KCNQ1: variants seen among roughly 807,000 people sequenced by gnomAD.
KCNQ1 encodes the protein potassium voltage-gated channel subfamily Q member 1.
KCNQ1 carries 49 observed loss-of-function variants against 72.4 expected under a neutral mutation model. The ratio of observed to expected loss-of-function variants is 0.68; its 90% CI spans 0.54 to 0.86. The LOEUF (loss-of-function observed/expected upper bound fraction) is 0.86, where lower values mean the gene tolerates loss of function less well. Among genes scored for constraint, KCNQ1 ranks in the 40% least tolerant of loss-of-function variants. KCNQ1 has a pLI of 0.00. For missense variants in KCNQ1, 790 were observed against 945.1 expected (o/e 0.84, Z 2.15); for synonymous variants, 450 against 412.6 (o/e 1.09, Z -1.10).
Position 2,588,905 on chromosome 11 carries a change from C to CA in KCNQ1, c.1393+51_1393+52insA, listed in dbSNP as rs762188798. On this transcript the variant is annotated intron_variant, in intron 10 of 15. Transcript: ENST00000155840. The surrounding 1 kb of genome is among the most constrained non-coding windows in gnomAD (Gnocchi z 5.6). ...GCCGCGGGGCCGGGAAGGTCACTGC[C>CA]TTTTTTGGGAGCCCGAGCAAGCCAG... The CA allele has an allele frequency of 1.2e-6, 2 of 1,600,266 alleles. No homozygotes were observed. Among genetic ancestry groups the CA allele is most frequent in the East Asian group, 4.5e-5 (2 of 44,668 alleles).
At chr11:2,777,090 C>A in intron 14 of KCNQ1, 58 bp downstream of exon 14, 1 of 1,527,650 alleles carries the variant, frequency 6.5e-7, no homozygotes. Flanking sequence ...TCTCCCGCAC[C>A]TCTGCCCTCC....
Position 2,715,016 on chromosome 11 carries a change from G to A in KCNQ1, c.1514+52935G>A, listed in dbSNP as rs558577074. 5.3e-5 allele frequency among the ~76,000 whole-genome samples: 8 copies of A among 152,240 alleles called. No individual in the cohort carries two copies. The highest frequency in any genetic ancestry group is 1.9e-4 in the African/African-American group (8 of 41,552). Reference sequence around the variant, plus strand: ...TGTCACACAAGCAGAGCTCCAGGGTGCAGCTGGGCAGATTGCCGGTGGTTG... The same window carrying A: ...TGTCACACAAGCAGAGCTCCAGGGTACAGCTGGGCAGATTGCCGGTGGTTG... On this transcript the variant is annotated intron_variant, in intron 11 of 15. Transcript: ENST00000155840. The surrounding 1 kb of genome is among the most constrained non-coding windows in gnomAD (Gnocchi z 4.9).
chr11:2,640,141 C>T (rs572343708), intron 10 of KCNQ1: 1 of 349,860 alleles, frequency 2.9e-6, no homozygotes, highest in Non-Finnish European at 5.1e-6. Context: ...AATTCCCTGA[C>T]CCCTTGTGCT....
At chr11:2,730,447 G>T (rs1229727793) in intron 11 of KCNQ1, among the ~76,000 whole-genome samples, 3 of 152,194 alleles carry the variant, frequency 2.0e-5, no homozygotes, top group African/African-American at 4.8e-5. Context: ...TTGGCTTGTG[G>T]CCTTTCCCCA....
intron 1 of KCNQ1, among the ~76,000 whole-genome samples, chr11:2,459,803 T>C (rs1408120688): frequency 6.6e-6 from 1 of 152,094 alleles, no homozygotes; most frequent in Admixed American, 6.5e-5. Context: ...AGGGATTCCC[T>C]TCTGCTTAAA....
At position 2,775,933 on chromosome 11, in the gene KCNQ1, A is replaced by G. The variant is rs1474859909; in HGVS notation, c.1591-27A>G. The G allele has an allele frequency of 1.9e-6, 3 of 1,549,626 alleles. No homozygotes were observed. In the Admixed American group the frequency reaches 5.9e-5, roughly 30 times the overall value. ...ACATGGCTGGGGCACAGGGAGGAGA[A>G]GTGATGCGTGTCTTTTTGTCCCGCA... On this transcript the variant is annotated intron_variant, in intron 12 of 15. Transcript: ENST00000155840.
chr11:2,560,540 C>CGG (rs140805888), intron 2 of KCNQ1, among the ~76,000 whole-genome samples: 17 of 51,648 alleles, frequency 3.3e-4, no homozygotes, highest in East Asian at 1.5e-3. Context: ...TCTGGGGGGG[C>CGG]GGGGGGGGGT....
At position 2,547,800 on chromosome 11, in the gene KCNQ1, T is replaced by C. The variant is rs1413037474; in HGVS notation, c.477+19782T>C. On this transcript the variant is annotated intron_variant, in intron 2 of 15. Transcript: ENST00000155840. The surrounding 1 kb of genome is among the most constrained non-coding windows in gnomAD (Gnocchi z 4.2). ...GAAGGGGAGGGGCGGCAGTTCTCAG[T>C]GGAGCGGCCGGGCTGCGAGTCTCTG... Among the ~76,000 whole-genome samples, 1 of 152,160 alleles carries C rather than the reference T, an allele frequency of 6.6e-6. No individual in the cohort carries two copies. Among genetic ancestry groups the C allele is most frequent in the Non-Finnish European group, 1.5e-5 (1 of 68,032 alleles).
In KCNQ1 at chr11:2,677,908, T is replaced by C. The variant is rs1850321991; in HGVS notation, c.1514+15827T>C. 1 of 398,446 alleles carries C rather than the reference T, an allele frequency of 2.5e-6. No homozygotes were observed. The allele number at this position is 398,446 out of a possible 1,614,324, so 24.7% of individuals were successfully genotyped here. A position where few individuals can be genotyped will look rare whatever the true frequency, so the allele number is the denominator to read the frequency against. Reference sequence around the variant, plus strand: ...TCCCCCACCCTTACCAAGTGTATACTCAGGTTTTTATCTTCATTCATTTCA... The same window carrying C: ...TCCCCCACCCTTACCAAGTGTATACCCAGGTTTTTATCTTCATTCATTTCA... On this transcript the variant is annotated intron_variant, in intron 11 of 15. Transcript: ENST00000155840. The surrounding 1 kb of genome is among the most constrained non-coding windows in gnomAD (Gnocchi z 4.5).
chr11:2,688,407 C>G (rs776671164), intron 11 of KCNQ1: 6 of 398,674 alleles, frequency 1.5e-5, no homozygotes, highest in Non-Finnish European at 2.2e-5. Flanking sequence ...TGCTGATCCT[C>G]TGTGTAGGCA....
In KCNQ1 at chr11:2,645,486, T is replaced by C. The variant is rs1849652143; in HGVS notation, c.1394-16475T>C. The C allele has an allele frequency of 5.0e-6, 2 of 398,682 alleles. No homozygotes were observed. Among genetic ancestry groups the C allele is most frequent in the Admixed American group, 4.4e-5 (1 of 22,738 alleles). 24.7% of individuals were successfully genotyped at this position (398,682 alleles called of 1,614,324 possible). ...GATCCCTGTATACCCTGCTGAATGC[T>C]CATGTTGGGGCAGCAGCAACTCTAT... On this transcript the variant is annotated intron_variant, in intron 10 of 15. Coordinates refer to ENST00000155840, the MANE Select transcript of KCNQ1 (RefSeq NM_000218.3). This position sits in a 1 kb window ranked among gnomAD's most constrained non-coding sequence, Gnocchi z 5.8.
Position 2,671,158 on chromosome 11 carries a change from T to C in KCNQ1, c.1514+9077T>C. On this transcript the variant is annotated intron_variant, in intron 11 of 15. Coordinates refer to ENST00000155840, the MANE Select transcript of KCNQ1 (RefSeq NM_000218.3). The surrounding 1 kb of genome is among the most constrained non-coding windows in gnomAD (Gnocchi z 4.7). The stretch of plus-strand genomic sequence containing the variant: ...CCCATGGGAGGCCTGAGGTGCCATC[T>C]TAGAAATAGGGCCTTGTTAGGAGAA... 2.5e-6 allele frequency: 1 copy of C among 398,602 alleles called. No individual in the cohort carries two copies. Among genetic ancestry groups the C allele is most frequent in the Non-Finnish European group, 4.4e-6 (1 of 226,072 alleles). 24.7% of individuals were successfully genotyped at this position (398,602 alleles called of 1,614,324 possible).
intron 11 of KCNQ1, among the ~76,000 whole-genome samples, chr11:2,721,855 C>T (rs748477210): frequency 6.6e-6 from 1 of 152,226 alleles, no homozygotes; most frequent in African/African-American, 2.4e-5. Context: ...CCCTTGGCCC[C>T]TTTAAGAGGC....
chr11:2,606,767 A>G (rs922948416), intron 10 of KCNQ1, among the ~76,000 whole-genome samples: 1 of 152,114 alleles, frequency 6.6e-6, no homozygotes, highest in Non-Finnish European at 1.5e-5. Flanking sequence ...TTCTTCCCAA[A>G]TTATCCTGGA....
At position 2,592,722 on chromosome 11, in the gene KCNQ1, G is replaced by A. The variant is rs891427987; in HGVS notation, c.1393+3868G>A. Reference sequence around the variant, plus strand: ...CCATTGTCTGTGCCCAGCCTGGGGAGCCTGACACTCACAGCCCGGCTGCTG... The same window carrying A: ...CCATTGTCTGTGCCCAGCCTGGGGAACCTGACACTCACAGCCCGGCTGCTG... On this transcript the variant is annotated intron_variant, in intron 10 of 15. Coordinates refer to ENST00000155840, the MANE Select transcript of KCNQ1 (RefSeq NM_000218.3). This position sits in a 1 kb window ranked among gnomAD's most constrained non-coding sequence, Gnocchi z 5.2. Among the ~76,000 whole-genome samples the A allele has an allele frequency of 1.3e-5, 2 of 152,204 alleles. No individual in the cohort carries two copies. The highest frequency in any genetic ancestry group is 4.8e-5 in the African/African-American group (2 of 41,452).
Position 2,602,146 on chromosome 11 carries a change from C to T in KCNQ1, c.1393+13292C>T, listed in dbSNP as rs893867575. On this transcript the variant is annotated intron_variant, in intron 10 of 15. Coordinates refer to ENST00000155840, the MANE Select transcript of KCNQ1 (RefSeq NM_000218.3). This position sits in a 1 kb window ranked among gnomAD's most constrained non-coding sequence, Gnocchi z 4.8. ...GAGGAAGGGGTCACAAACCAAAGAA[C>T]GCTTCCAGAAGAAAAGGCAAGGAAA... Among the ~76,000 whole-genome samples the T allele has an allele frequency of 6.6e-6, 1 of 152,082 alleles. No individual in the cohort carries two copies. The highest frequency in any genetic ancestry group is 1.5e-5 in the Non-Finnish European group (1 of 68,028).
In KCNQ1 at chr11:2,735,305, TG is replaced by T. The variant is rs1310771105; in HGVS notation, c.1515-33536del. 6.6e-6 allele frequency among the ~76,000 whole-genome samples: 1 copy of T among 151,758 alleles called. No homozygotes were observed. Among genetic ancestry groups the T allele is most frequent in the East Asian group, 1.9e-4 (1 of 5,134 alleles). ...GCCAGAGATGCCTGGGGCCCTGGGG[TG>T]GGAGGTGGGGACAGGCTAATGGCAA... On this transcript the variant is annotated intron_variant, in intron 11 of 15. Transcript: ENST00000155840. The surrounding 1 kb of genome is among the most constrained non-coding windows in gnomAD (Gnocchi z 7.7).
rs1203172573 is a variant in KCNQ1, at chr11:2,473,507, C to A, written c.386+28023C>A. On this transcript the variant is annotated intron_variant, in intron 1 of 15. Coordinates refer to ENST00000155840, the MANE Select transcript of KCNQ1 (RefSeq NM_000218.3). This position sits in a 1 kb window ranked among gnomAD's most constrained non-coding sequence, Gnocchi z 6.0. ...TGCTGGGAAATCCAAGGGGCAAGGC[C>A]GTTTCCCGTCCTGGTCCGTCGTTGA... is the stretch of plus-strand genomic sequence containing the variant. Among the ~76,000 whole-genome samples, 1 of 152,164 alleles carries A rather than the reference C, an allele frequency of 6.6e-6. No individual in the cohort carries two copies. The highest frequency in any genetic ancestry group is 2.4e-5 in the African/African-American group (1 of 41,448).
At chr11:2,607,067 T>C (rs1029952398) in intron 10 of KCNQ1, among the ~76,000 whole-genome samples, 1 of 151,966 alleles carries the variant, frequency 6.6e-6, no homozygotes, top group East Asian at 1.9e-4. Flanking sequence ...CATGCCTGGC[T>C]AATTTTTTTG....
Sources: gnomAD v4.1 joint callset for allele counts (sites outside exome capture counted in the v4.1 genomes callset) on GRCh38, gnomAD v4.1.1 for gene constraint, Gnocchi (gnomAD v3.1) non-coding constraint, MANE v1.5 for transcripts, NCBI Gene and HGNC (gene_info 2026-07-23, HGNC 2026-07-21) for gene names.